The following PDGFC variants were observed in gnomAD, a reference collection of about 807,000 sequenced individuals.
PDGFC encodes platelet derived growth factor C.
Under a neutral mutation model 35.5 loss-of-function variants are expected in PDGFC, and 12 were observed. The observed-to-expected ratio is 0.34, with a 90% confidence interval of 0.22 to 0.55. The LOEUF (loss-of-function observed/expected upper bound fraction) is 0.55. Ranked by LOEUF, PDGFC falls within the 20% of genes least tolerant of loss-of-function variation. The pLI is 0.91. For missense variants in PDGFC, 322 were observed against 412.4 expected (o/e 0.78, Z 1.90); for synonymous variants, 159 against 148.8 (o/e 1.07, Z -0.50).
chr4:156,818,092 T>C lies in PDGFC; in HGVS notation c.315-7075A>G, dbSNP rs138302350. ...AAAAAAAATTCTAGGCTAAATCTTG[T>C]ATCAAAGTTCTTTGAAATGGCAATA... On this transcript the variant is annotated intron_variant, in intron 2 of 5. Coordinates refer to ENST00000502773, the MANE Select transcript of PDGFC (RefSeq NM_016205.3). 6.0e-3 allele frequency among the ~76,000 whole-genome samples: 884 copies of C among 147,404 alleles called. 3 individuals carry two copies. Among genetic ancestry groups the C allele is most frequent in the African/African-American group, 0.015 (606 of 39,626 alleles).
At chr4:156,865,213 C>T (rs1319358148) in intron 1 of PDGFC, among the ~76,000 whole-genome samples, 4 of 151,644 alleles carry the variant, frequency 2.6e-5, no homozygotes, top group African/African-American at 4.8e-5. Flanking sequence ...CACACACACA[C>T]GCAGATACAA....
At chr4:156,924,520 A>G (rs1029393472) in intron 1 of PDGFC, among the ~76,000 whole-genome samples, 1 of 152,212 alleles carries the variant, frequency 6.6e-6, no homozygotes, top group African/African-American at 2.4e-5. Flanking sequence ...AAGACAAGGT[A>G]GCTCCTTTAG....
intron 1 of PDGFC, among the ~76,000 whole-genome samples, chr4:156,900,945 G>A (rs1212050700): frequency 5.1e-5 from 7 of 136,094 alleles, no homozygotes; most frequent in Non-Finnish European, 9.5e-5. Flanking sequence ...GGGAGGGAGG[G>A]AGGAAGTGAG....
intron 3 of PDGFC, among the ~76,000 whole-genome samples, chr4:156,777,648 T>C (rs1730863981): frequency 6.6e-6 from 1 of 152,174 alleles, no homozygotes; most frequent in Admixed American, 6.6e-5. Context: ...CAAGTTTCCA[T>C]TGTTTAAGGC....
At chr4:156,952,280 T>C (rs914262107) in intron 1 of PDGFC, among the ~76,000 whole-genome samples, 8 of 151,910 alleles carry the variant, frequency 5.3e-5, no homozygotes, top group African/African-American at 1.9e-4. Flanking sequence ...ACCTAAATTA[T>C]AGATTAGCTA....
intron 1 of PDGFC, among the ~76,000 whole-genome samples, chr4:156,889,924 GT>G (rs1730463167): frequency 6.6e-6 from 1 of 152,122 alleles, no homozygotes; most frequent in African/African-American, 2.4e-5. Context: ...TGGTCCAAGT[GT>G]TGGTTTATTG....
intron 3 of PDGFC, among the ~76,000 whole-genome samples, chr4:156,774,652 CTTTTTTTTTT>C (rs869200131): frequency 1.5e-5 from 2 of 133,658 alleles, no homozygotes; most frequent in Non-Finnish European, 3.2e-5. Flanking sequence ...TGATTTCATC[CTTTTTTTTTT>C]TTTTTTTTTA....
chr4:156,784,280 C>G (rs540917562), intron 3 of PDGFC, among the ~76,000 whole-genome samples: 2 of 152,308 alleles, frequency 1.3e-5, no homozygotes, highest in Admixed American at 1.3e-4. Context: ...TCAACCAGCA[C>G]TGGTGTCTCA....
intron 2 of PDGFC, among the ~76,000 whole-genome samples, chr4:156,845,248 T>G (rs1729297981): frequency 6.6e-6 from 1 of 151,752 alleles, no homozygotes; most frequent in Non-Finnish European, 1.5e-5. Flanking sequence ...ACACAATATC[T>G]ATAAAGAAAT....
chr4:156,943,010 A>G (rs1288424621), intron 1 of PDGFC, among the ~76,000 whole-genome samples: 3 of 152,016 alleles, frequency 2.0e-5, no homozygotes, highest in African/African-American at 7.2e-5. Context: ...ATTTAATCTG[A>G]TTATCTTTTC....
chr4:156,767,657 T>C (rs1730576392), intron 5 of PDGFC, 116 bp downstream of exon 5: 2 of 661,552 alleles, frequency 3.0e-6, no homozygotes, highest in South Asian at 1.9e-5. Flanking sequence ...TAGACCTCTT[T>C]TTTTTCCCCA....
chr4:156,935,420 T>A (rs1326317755), intron 1 of PDGFC, among the ~76,000 whole-genome samples: 1 of 152,218 alleles, frequency 6.6e-6, no homozygotes, highest in East Asian at 1.9e-4. Context: ...CTATACATAA[T>A]GTTATGTCCT....
In PDGFC at chr4:156,885,178, C is replaced by T. The variant is rs899198023; in HGVS notation, c.119-34762G>A. On this transcript the variant is annotated intron_variant, in intron 1 of 5. Coordinates refer to ENST00000502773, the MANE Select transcript of PDGFC (RefSeq NM_016205.3). ...ACATACACACACACACACACACACACACACACTTTACCTAAGCATTTAGTA... is the reference window on the plus strand; with the variant it reads ...ACATACACACACACACACACACACATACACACTTTACCTAAGCATTTAGTA... Among the ~76,000 whole-genome samples the T allele has an allele frequency of 1.4e-3, 213 of 151,676 alleles. 2 individuals are homozygous for T. Among genetic ancestry groups the T allele is most frequent in the Non-Finnish European group, 1.5e-4 (10 of 67,770 alleles).
chr4:156,883,041 G>A (rs113179089), intron 1 of PDGFC, among the ~76,000 whole-genome samples: 9,269 of 148,720 alleles, frequency 0.062, 381 homozygotes, highest in Middle Eastern at 0.11. Context: ...CCAAAATCAC[G>A]CCACTGCAAT....
At chr4:156,872,540 C>A (rs1730010192) in intron 1 of PDGFC, among the ~76,000 whole-genome samples, 1 of 152,156 alleles carries the variant, frequency 6.6e-6, no homozygotes, top group Non-Finnish European at 1.5e-5. Context: ...TGATGCACAT[C>A]CTTCAGACTC....
At chr4:156,790,966 T>C (rs547285600) in intron 3 of PDGFC, among the ~76,000 whole-genome samples, 1 of 152,308 alleles carries the variant, frequency 6.6e-6, no homozygotes, top group Non-Finnish European at 1.5e-5. Flanking sequence ...ATTTCACATC[T>C]TGAAGGTGCC....
Position 156,761,082 on chromosome 4 carries a change from G to A in PDGFC, c.*2008C>T, listed in dbSNP as rs1368271314. ...AGGTGTCAAAGCACAGGAAAAGGGTGCTTGCCTGAAGAGCAGTCTGAAGAC... is the reference window on the plus strand; with the variant it reads ...AGGTGTCAAAGCACAGGAAAAGGGTACTTGCCTGAAGAGCAGTCTGAAGAC... On this transcript the variant is annotated 3_prime_UTR_variant, in exon 6 of 6. Transcript: ENST00000502773. 6.6e-6 allele frequency: 1 copy of A among 152,226 alleles called. No individual in the cohort carries two copies. Among genetic ancestry groups the A allele is most frequent in the Non-Finnish European group, 1.5e-5 (1 of 68,078 alleles). 9.4% of individuals were successfully genotyped at this position (152,226 alleles called of 1,614,324 possible). A position where few individuals can be genotyped will look rare whatever the true frequency, so the allele number is the denominator to read the frequency against.
At chr4:156,790,358 C>A (rs1361699269) in intron 3 of PDGFC, among the ~76,000 whole-genome samples, 1 of 152,074 alleles carries the variant, frequency 6.6e-6, no homozygotes, top group African/African-American at 2.4e-5. Flanking sequence ...TTGTTTAATA[C>A]AGGAAAGAAC....
chr4:156,919,819 A>C (rs1157581682), intron 1 of PDGFC, among the ~76,000 whole-genome samples: 4 of 152,214 alleles, frequency 2.6e-5, no homozygotes, highest in African/African-American at 9.6e-5. Flanking sequence ...CCTTATTAAC[A>C]TACAAGCCTG....
Sources: allele counts gnomAD v4.1 joint callset (sites outside exome capture counted in the v4.1 genomes callset), GRCh38; gene constraint gnomAD v4.1.1; transcripts MANE v1.5; gene names NCBI Gene and HGNC (gene_info 2026-07-23, HGNC 2026-07-21).